Variants in TENM3 observed in about 807,000 individuals in gnomAD.
TENM3 encodes the protein teneurin transmembrane protein 3, also known as teneurin-3.
In TENM3, 63 loss-of-function variants were observed where a neutral mutation model predicts 255.1. The observed-to-expected ratio is 0.25, with a 90% CI of 0.20 to 0.30. The LOEUF (loss-of-function observed/expected upper bound fraction) is 0.30. Ranked by LOEUF, TENM3 falls within the 10% of genes least tolerant of loss-of-function variation. TENM3 has a pLI of 1.00. For synonymous variants in TENM3, 1,306 were observed against 1,322.3 expected (o/e 0.99, Z 0.27); for missense variants, 2,929 against 3,461.1 (o/e 0.85, Z 3.86).
At chr4:181,481,595 G>T in the TENM3 span, among the ~76,000 whole-genome samples, 1 of 152,122 alleles carries the variant, frequency 6.6e-6, no homozygotes, top group African/African-American at 2.4e-5. Flanking sequence ...GCCCAGAGAG[G>T]TTAATTAACT....
the TENM3 span, among the ~76,000 whole-genome samples, chr4:181,525,190 C>T: frequency 6.6e-6 from 1 of 152,038 alleles, no homozygotes; most frequent in Non-Finnish European, 1.5e-5. Flanking sequence ...GCAGGTGGAT[C>T]ACTTGAGGCC....
chr4:181,912,553 C>A, the TENM3 span, among the ~76,000 whole-genome samples: 1 of 151,842 alleles, frequency 6.6e-6, no homozygotes, highest in South Asian at 2.1e-4. Context: ...TTTGAGAGGC[C>A]GAGATGAGAT....
At chr4:182,355,107 G>A (rs1429064209) in intron 3 of TENM3, among the ~76,000 whole-genome samples, 3 of 152,182 alleles carry the variant, frequency 2.0e-5, no homozygotes, top group Admixed American at 2.0e-4. Flanking sequence ...AGAGCCGATT[G>A]TTGCCAACAG....
the TENM3 span, among the ~76,000 whole-genome samples, chr4:181,495,556 CGAGAGAGA>C: frequency 6.0e-5 from 9 of 148,766 alleles, no homozygotes; most frequent in East Asian, 6.0e-4. Context: ...TTAGTATACA[CGAGAGAGA>C]GAGAGAGAGA....
At chr4:181,671,150 T>C in the TENM3 span, among the ~76,000 whole-genome samples, 3 of 152,156 alleles carry the variant, frequency 2.0e-5, no homozygotes, top group Non-Finnish European at 4.4e-5. Context: ...TTGCCTAATA[T>C]GAGGTGGAGT....
At chr4:181,709,075 T>G in the TENM3 span, among the ~76,000 whole-genome samples, 1 of 152,182 alleles carries the variant, frequency 6.6e-6, no homozygotes, top group African/African-American at 2.4e-5. Flanking sequence ...CTGTGTATGT[T>G]GAGGAGGAAT....
chr4:182,383,346 G>A (rs1293428287), intron 3 of TENM3, among the ~76,000 whole-genome samples: 1 of 152,130 alleles, frequency 6.6e-6, no homozygotes, highest in Non-Finnish European at 1.5e-5. Flanking sequence ...GCCCAGCAAG[G>A]GGAAGGGTGA....
At chr4:181,763,872 GA>G in the TENM3 span, among the ~76,000 whole-genome samples, 1 of 152,172 alleles carries the variant, frequency 6.6e-6, no homozygotes, top group Non-Finnish European at 1.5e-5. Context: ...TTCAGTTATG[GA>G]AAACTTTTAT....
At chr4:182,627,775 C>A (rs1230560984) in intron 4 of TENM3, among the ~76,000 whole-genome samples, 1 of 152,062 alleles carries the variant, frequency 6.6e-6, no homozygotes, top group Non-Finnish European at 1.5e-5. Context: ...AAATTAGTTA[C>A]CTTTCCTGAA....
At chr4:182,625,220 A>G (rs1049899609) in intron 4 of TENM3, among the ~76,000 whole-genome samples, 1 of 152,144 alleles carries the variant, frequency 6.6e-6, no homozygotes, top group African/African-American at 2.4e-5. Context: ...CCACACTTGT[A>G]GCACGGGTCC....
the TENM3 span, among the ~76,000 whole-genome samples, chr4:181,879,721 A>T: frequency 1.3e-5 from 2 of 152,092 alleles, no homozygotes; most frequent in Non-Finnish European, 2.9e-5. Context: ...CACTATGGAG[A>T]AGCCCCAGAT....
intron 3 of TENM3, among the ~76,000 whole-genome samples, chr4:182,594,727 T>C (rs1034687662): frequency 2.3e-5 from 3 of 130,806 alleles, no homozygotes; most frequent in African/African-American, 5.5e-5. Flanking sequence ...TGTGTGTGTG[T>C]GTGTTTTCCC....
chr4:182,355,939 G>A (rs1054748142), intron 3 of TENM3, among the ~76,000 whole-genome samples: 3 of 149,968 alleles, frequency 2.0e-5, no homozygotes, highest in African/African-American at 7.3e-5. Flanking sequence ...AATTCAATTA[G>A]ATTTTGTGTA....
chr4:182,433,317 G>A (rs371936524), intron 3 of TENM3, among the ~76,000 whole-genome samples: 14 of 152,272 alleles, frequency 9.2e-5, no homozygotes, highest in African/African-American at 3.4e-4. Flanking sequence ...ACGAGTTTGT[G>A]GAAGAGGACT....
intron 7 of TENM3, 21 bp downstream of exon 7, chr4:182,673,240 C>T (rs375206977): frequency 2.0e-6 from 3 of 1,517,694 alleles, no homozygotes; most frequent in East Asian, 2.3e-5. Flanking sequence ...GCTTTCTTAT[C>T]AATAAAATAA....
the TENM3 span, among the ~76,000 whole-genome samples, chr4:181,466,889 C>T: frequency 6.6e-6 from 1 of 151,508 alleles, no homozygotes; most frequent in African/African-American, 2.4e-5. Context: ...TCTATTTTAT[C>T]TAAAACAGTG....
chr4:181,524,874 C>CA, the TENM3 span, among the ~76,000 whole-genome samples: 1 of 152,174 alleles, frequency 6.6e-6, no homozygotes, highest in Non-Finnish European at 1.5e-5. Context: ...CACGCACCCT[C>CA]AATCCCTGGC....
chr4:182,458,242 T>C (rs976722824), intron 3 of TENM3, among the ~76,000 whole-genome samples: 5 of 152,190 alleles, frequency 3.3e-5, no homozygotes, highest in Non-Finnish European at 7.3e-5. Context: ...TATGCTTTTA[T>C]TGACATTTCT....
chr4:182,200,458 C>G (rs1754115957), intron 1 of TENM3, among the ~76,000 whole-genome samples: 1 of 152,108 alleles, frequency 6.6e-6, no homozygotes, highest in Non-Finnish European at 1.5e-5. Context: ...CTCAATTTAA[C>G]CAGCTGGAAT....
Sources: gnomAD v4.1 joint callset for allele counts (sites outside exome capture counted in the v4.1 genomes callset) on GRCh38, gnomAD v4.1.1 for gene constraint, MANE v1.5 for transcripts, NCBI Gene and HGNC (gene_info 2026-07-23, HGNC 2026-07-21) for gene names.